ERN1: variants seen among roughly 807,000 people sequenced by gnomAD.
The protein encoded by ERN1 is endoplasmic reticulum to nucleus signaling 1.
Under a neutral mutation model 113.1 loss-of-function variants are expected in ERN1, and 39 were observed. The observed-to-expected ratio is 0.34, with a 90% CI of 0.27 to 0.45. ERN1 has a LOEUF of 0.45. Among genes scored for constraint, ERN1 ranks in the 20% least tolerant of loss-of-function variants. The pLI, the probability that ERN1 is intolerant of heterozygous loss-of-function variation, is 1.00. For missense variants in ERN1, 976 were observed against 1,274.8 expected, an observed-to-expected ratio of 0.77 and a Z score of 3.57; for synonymous variants, 507 against 515.9, an observed-to-expected ratio of 0.98 and a Z score of 0.23.
At chr17:64,068,047 A>G in intron 7 of ERN1, 143 bp downstream of exon 7, 1 of 620,580 alleles carries the variant, frequency 1.6e-6, no homozygotes, top group East Asian at 2.8e-5. Flanking sequence ...AGTATTTATG[A>G]TAAGCCCATG....
Position 64,044,319 on chromosome 17 carries a change from A to T in ERN1, c.2722-119T>A. On this transcript the variant is annotated intron_variant, in intron 21 of 21. Transcript: ENST00000433197. The surrounding 1 kb of genome is among the most constrained non-coding windows in gnomAD (Gnocchi z 4.1). ...AGAATGTGAGTGTTGGTTTTTGGTA[A>T]AGAAAAAGAAAAAAGGCTTATGTAT... 1 of 691,902 alleles carries T rather than the reference A, an allele frequency of 1.4e-6. No homozygotes were observed. The highest frequency in any genetic ancestry group is 2.2e-6 in the Non-Finnish European group (1 of 446,242). The allele number at this position is 691,902 out of a possible 1,614,324, so 42.9% of individuals were successfully genotyped here.
chr17:64,063,828 T>G lies in ERN1; in HGVS notation c.1087+158A>C, dbSNP rs1476193048. 6.6e-6 allele frequency among the ~76,000 whole-genome samples: 1 copy of G among 152,118 alleles called. No homozygotes were observed. The highest frequency in any genetic ancestry group is 6.5e-5 in the Admixed American group (1 of 15,270). On this transcript the variant is annotated intron_variant, in intron 10 of 21. Coordinates refer to ENST00000433197, the MANE Select transcript of ERN1 (RefSeq NM_001433.5). The surrounding 1 kb of genome is among the most constrained non-coding windows in gnomAD (Gnocchi z 5.1). ...ACACAGCTACCTTGTTGATTTTCCT[T>G]GGGGGTAAAAATGTCCCAAGGTCTC...
chr17:64,114,356 A>G (rs993080013), intron 1 of ERN1, among the ~76,000 whole-genome samples: 4 of 152,224 alleles, frequency 2.6e-5, no homozygotes, highest in Admixed American at 2.6e-4. Flanking sequence ...GCGACAGCAT[A>G]ACAGAAGAAG....
chr17:64,074,420 A>G (rs749577963), intron 5 of ERN1, among the ~76,000 whole-genome samples: 22 of 152,238 alleles, frequency 1.4e-4, no homozygotes, highest in Admixed American at 1.3e-4. Context: ...CCAAATTCCT[A>G]GGCTGGGAGT....
intron 2 of ERN1, among the ~76,000 whole-genome samples, chr17:64,094,780 T>C (rs1304412489): frequency 6.6e-6 from 1 of 152,134 alleles, no homozygotes; most frequent in Admixed American, 6.6e-5. Flanking sequence ...AACCTGGTAC[T>C]GCCCATTCCA....
At chr17:64,071,568 A>C (rs919928896) in intron 6 of ERN1, among the ~76,000 whole-genome samples, 1 of 151,996 alleles carries the variant, frequency 6.6e-6, no homozygotes, top group Non-Finnish European at 1.5e-5. Flanking sequence ...TTACAGGCAC[A>C]TGCCACCACA....
chr17:64,064,562 G>A (rs918434346), intron 9 of ERN1, among the ~76,000 whole-genome samples: 3 of 152,184 alleles, frequency 2.0e-5, no homozygotes, highest in African/African-American at 2.4e-5. Flanking sequence ...AGAGGCAGGC[G>A]CTGTCTATTC....
intron 2 of ERN1, among the ~76,000 whole-genome samples, chr17:64,085,369 G>T (rs8070887): frequency 0.088 from 13,349 of 152,176 alleles, 638 homozygotes; most frequent in African/African-American, 0.11. Flanking sequence ...CTCACAGGGC[G>T]AGAGAAGCAG....
chr17:64,111,947 C>G (rs1914683787), intron 1 of ERN1, among the ~76,000 whole-genome samples: 1 of 152,200 alleles, frequency 6.6e-6, no homozygotes. Flanking sequence ...TGCTCCTCAT[C>G]TCTTACCTCC....
At position 64,057,966 on chromosome 17, in the gene ERN1, C is replaced by G; in HGVS notation, c.1234G>C (p.Glu412Gln). 2 of 1,588,922 alleles carry G rather than the reference C, an allele frequency of 1.3e-6. No homozygotes were observed. The highest frequency in any genetic ancestry group is 1.7e-6 in the Non-Finnish European group (2 of 1,167,734). ...CGAGACACGGTGGTAGGTGCGTTTT[C>G]TGAAGTCTGGTCAACCAGGTTGATA... The part of the protein sequence containing the change: ...EVINLVDQTS[E>Q]NAPTTVSRDV... The change falls in exon 12 of 22, where the codon GAA becomes CAA. Residue 412 changes from glutamate to glutamine, a missense_variant. By Grantham distance (29) the Glu-to-Gln change is conservative. Coordinates refer to ENST00000433197, the MANE Select transcript of ERN1 (RefSeq NM_001433.5).
Position 64,054,128 on chromosome 17 carries a change from T to C in ERN1, c.1953+122A>G. On this transcript the variant is annotated intron_variant, in intron 15 of 21. Coordinates refer to ENST00000433197, the MANE Select transcript of ERN1 (RefSeq NM_001433.5). The surrounding 1 kb of genome is among the most constrained non-coding windows in gnomAD (Gnocchi z 4.9). Reference sequence around the variant, plus strand: ...CTAATTTTTGGTTTCTTTGTAGAGATGGGGTTTCACCATGTTGTCCAGGCT... The same window carrying C: ...CTAATTTTTGGTTTCTTTGTAGAGACGGGGTTTCACCATGTTGTCCAGGCT... The C allele has an allele frequency of 1.1e-6, 1 of 874,944 alleles. No individual in the cohort carries two copies. Among genetic ancestry groups the C allele is most frequent in the East Asian group, 2.8e-5 (1 of 36,012 alleles). The allele number at this position is 874,944 out of a possible 1,614,324, so 54.2% of individuals were successfully genotyped here. A position where few individuals can be genotyped will look rare whatever the true frequency, so the allele number is the denominator to read the frequency against.
chr17:64,060,735 G>A, intron 10 of ERN1, 148 bp from the exon 11 acceptor site: 1 of 622,144 alleles, frequency 1.6e-6, no homozygotes, highest in Non-Finnish European at 2.9e-6. Flanking sequence ...ATGAGTGGCA[G>A]TTACCAGAAA....
intron 4 of ERN1, among the ~76,000 whole-genome samples, chr17:64,077,708 A>C (rs1336391691): frequency 6.7e-6 from 1 of 149,978 alleles, no homozygotes; most frequent in Non-Finnish European, 1.5e-5. Context: ...GCTGCTGTAC[A>C]TTTGGGCACA....
chr17:64,112,067 T>C (rs1217246577), intron 1 of ERN1, among the ~76,000 whole-genome samples: 1 of 152,004 alleles, frequency 6.6e-6, no homozygotes, highest in Non-Finnish European at 1.5e-5. Context: ...TGGCTCGTGG[T>C]GTTCAAGAAG....
chr17:64,094,523 C>G (rs1914175846), intron 2 of ERN1, among the ~76,000 whole-genome samples: 1 of 152,080 alleles, frequency 6.6e-6, no homozygotes, highest in Non-Finnish European at 1.5e-5. Flanking sequence ...CGCTGGGTCC[C>G]TCCTGCCCTG....
At chr17:64,084,062 G>C (rs893292609) in intron 2 of ERN1, among the ~76,000 whole-genome samples, 1 of 152,008 alleles carries the variant, frequency 6.6e-6, no homozygotes, top group African/African-American at 2.4e-5. Context: ...CCTAACCACA[G>C]TGGGGTTCTA....
chr17:64,067,390 G>T (rs148228959), intron 7 of ERN1, among the ~76,000 whole-genome samples: 5 of 131,458 alleles, frequency 3.8e-5, no homozygotes, highest in African/African-American at 1.5e-4. Context: ...AGGACTTCAA[G>T]ACCAGCCTGG....
At chr17:64,068,352 T>C in intron 6 of ERN1, 61 bp from the exon 7 acceptor site, 1 of 1,187,020 alleles carries the variant, frequency 8.4e-7, no homozygotes, top group Admixed American at 1.9e-5. Flanking sequence ...TACTGAGGTG[T>C]GGTCCTTATC....
chr17:64,106,118 T>C (rs79682274), intron 1 of ERN1, among the ~76,000 whole-genome samples: 2,528 of 152,300 alleles, frequency 0.017, 73 homozygotes, highest in African/African-American at 0.057. Flanking sequence ...AGTGCAGGGT[T>C]CCTTGCCAGG....
Sources: allele counts gnomAD v4.1 joint callset (sites outside exome capture counted in the v4.1 genomes callset), GRCh38; gene constraint gnomAD v4.1.1; non-coding constraint Gnocchi (gnomAD v3.1); transcripts MANE v1.5; gene names NCBI Gene and HGNC (gene_info 2026-07-23, HGNC 2026-07-21).